HPSE2: variants seen among roughly 807,000 people sequenced by gnomAD.
HPSE2 encodes the protein inactive heparanase-2.
Under a neutral mutation model 60.5 loss-of-function variants are expected in HPSE2, and 38 were observed. That is an observed-to-expected ratio of 0.63 (90% confidence interval 0.48 to 0.82). The LOEUF is 0.82. Ranked by LOEUF, HPSE2 falls within the 40% of genes least tolerant of loss-of-function variation. The probability of loss-of-function intolerance (pLI) is 0.00; values close to 1 mark genes in which losing one functional copy is unlikely to be tolerated. For synonymous variants in HPSE2, 295 were observed against 293.2 expected (o/e 1.01, Z -0.06); for missense variants, 713 against 740.4 (o/e 0.96, Z 0.43).
chr10:98,741,673 G>GT (rs1282836756), intron 4 of HPSE2, among the ~76,000 whole-genome samples: 1 of 152,054 alleles, frequency 6.6e-6, no homozygotes, highest in Non-Finnish European at 1.5e-5. Context: ...TGCTTTGGGC[G>GT]TATCTATTAT....
intron 3 of HPSE2, among the ~76,000 whole-genome samples, chr10:99,092,292 C>T (rs2135600080): frequency 6.6e-6 from 1 of 152,204 alleles, no homozygotes; most frequent in South Asian, 2.1e-4. Context: ...ACACAATAAA[C>T]ATAATGCGTA....
intron 3 of HPSE2, among the ~76,000 whole-genome samples, chr10:99,132,174 A>G (rs1236843092): frequency 4.1e-4 from 3 of 7,374 alleles, no homozygotes; most frequent in African/African-American, 6.1e-4. Flanking sequence ...AGAAAGAAAG[A>G]AAGAAAGAAA....
At chr10:98,502,603 G>A (rs1942063401) in intron 9 of HPSE2, among the ~76,000 whole-genome samples, 1 of 152,110 alleles carries the variant, frequency 6.6e-6, no homozygotes, top group Admixed American at 6.5e-5. Flanking sequence ...AATTCTAGAA[G>A]ACAACATTGG....
At chr10:98,859,864 C>T (rs897042587) in intron 3 of HPSE2, among the ~76,000 whole-genome samples, 1 of 151,968 alleles carries the variant, frequency 6.6e-6, no homozygotes, top group Non-Finnish European at 1.5e-5. Context: ...TTTCAGTTGC[C>T]CTCAGTCAAT....
At chr10:99,134,387 C>T (rs1845562074) in intron 3 of HPSE2, among the ~76,000 whole-genome samples, 1 of 152,132 alleles carries the variant, frequency 6.6e-6, no homozygotes, top group South Asian at 2.1e-4. Context: ...AAAGATGCTC[C>T]TTGAGAAGAG....
chr10:98,569,147 T>G (rs1205893975), intron 9 of HPSE2, among the ~76,000 whole-genome samples: 2 of 151,420 alleles, frequency 1.3e-5, no homozygotes, highest in Non-Finnish European at 2.9e-5. Context: ...CACTGCAATC[T>G]CCACCTCCTG....
chr10:99,235,886 CT>C (rs2133959363), upstream of HPSE2: 68 of 1,209,960 alleles, frequency 5.6e-5, no homozygotes, highest in Non-Finnish European at 7.0e-5. Flanking sequence ...GTCTGTCCGC[CT>C]TTTTCCCCCC....
At chr10:99,140,356 G>A (rs928278474) in intron 3 of HPSE2, among the ~76,000 whole-genome samples, 1 of 152,186 alleles carries the variant, frequency 6.6e-6, no homozygotes, top group African/African-American at 2.4e-5. Flanking sequence ...ATTAGAAAGT[G>A]TCTTGTGTAA....
At chr10:99,306,208 T>C in the HPSE2 span, among the ~76,000 whole-genome samples, 1 of 152,058 alleles carries the variant, frequency 6.6e-6, no homozygotes, top group African/African-American at 2.4e-5. Context: ...TGTTGGAGGA[T>C]TTTCTAAAAG....
In HPSE2 at chr10:98,931,453, C is replaced by G. The variant is rs900931169; in HGVS notation, c.611-187397G>C. On this transcript the variant is annotated intron_variant, in intron 3 of 11. Coordinates refer to ENST00000370552, the MANE Select transcript of HPSE2 (RefSeq NM_021828.5). ...CTTAGGGTTGTCTTGGCTATGCAAG[C>G]TCTTTTTTGGTTCCATATAAATTTT... Among the ~76,000 whole-genome samples the G allele has an allele frequency of 9.7e-5, 14 of 144,082 alleles. 1 individual carries two copies. The highest frequency in any genetic ancestry group is 1.8e-4 in the Non-Finnish European group (12 of 67,204). The allele number at this position is 144,082 out of a possible 152,430, so 94.5% of individuals were successfully genotyped here. A position where few individuals can be genotyped will look rare whatever the true frequency, so the allele number is the denominator to read the frequency against.
chr10:99,314,950 C>T, the HPSE2 span, among the ~76,000 whole-genome samples: 1 of 152,124 alleles, frequency 6.6e-6, no homozygotes, highest in African/African-American at 2.4e-5. Context: ...AGAAAGAAAC[C>T]ACCTAAACTG....
chr10:99,033,655 C>T (rs369893631), intron 3 of HPSE2, among the ~76,000 whole-genome samples: 21 of 151,868 alleles, frequency 1.4e-4, no homozygotes, highest in East Asian at 5.8e-4. Flanking sequence ...TGGTGGTAGG[C>T]GCCCATAGTC....
chr10:99,261,848 C>A, the HPSE2 span, among the ~76,000 whole-genome samples: 1 of 152,210 alleles, frequency 6.6e-6, no homozygotes, highest in South Asian at 2.1e-4. Flanking sequence ...GGACCTCCTC[C>A]CCCAGGATCT....
chr10:99,094,531 TATA>T (rs1843637330), intron 3 of HPSE2, among the ~76,000 whole-genome samples: 1 of 22,116 alleles, frequency 4.5e-5, no homozygotes, highest in African/African-American at 1.0e-4. Context: ...TATATATATA[TATA>T]TATATATTTT....
chr10:98,740,263 C>A (rs1949465353), intron 4 of HPSE2, among the ~76,000 whole-genome samples: 2 of 151,504 alleles, frequency 1.3e-5, no homozygotes, highest in Admixed American at 6.6e-5. Context: ...GCAGCCTCAA[C>A]CTCCCAGGCT....
Position 98,641,716 on chromosome 10 carries a change from T to C in HPSE2, c.1098+131A>G, listed in dbSNP as rs376058292. On this transcript the variant is annotated intron_variant, in intron 7 of 11. Coordinates refer to ENST00000370552, the MANE Select transcript of HPSE2 (RefSeq NM_021828.5). Reference sequence around the variant, plus strand: ...GATGGGGAGCTTGTGACCATGCCCATCTAGACTGCACTATTTTCCTATTTT... The same window carrying C: ...GATGGGGAGCTTGTGACCATGCCCACCTAGACTGCACTATTTTCCTATTTT... 23 of 772,134 alleles carry C rather than the reference T, an allele frequency of 3.0e-5. 1 individual carries two copies. The highest frequency in any genetic ancestry group is 2.9e-4 in the South Asian group (21 of 73,342). 47.8% of individuals were successfully genotyped at this position (772,134 alleles called of 1,614,324 possible).
At chr10:98,776,054 TTCAC>T (rs1161846182) in intron 3 of HPSE2, among the ~76,000 whole-genome samples, 1 of 152,094 alleles carries the variant, frequency 6.6e-6, no homozygotes, top group African/African-American at 2.4e-5. Context: ...CTCTATATCA[TTCAC>T]TCAAATAGTT....
intron 6 of HPSE2, among the ~76,000 whole-genome samples, chr10:98,672,310 A>G (rs1023274616): frequency 6.6e-6 from 1 of 152,222 alleles, no homozygotes; most frequent in Non-Finnish European, 1.5e-5. Flanking sequence ...TAACAATGGT[A>G]TATTCTGTTT....
chr10:98,470,722 A>G lies in HPSE2; in HGVS notation c.1614-10983T>C, dbSNP rs1940743772. ...TAGCTCTACCCTAACTTGCCCATTT[A>G]CAGGTGTTTCGTCTAGGTCATCTGG... On this transcript the variant is annotated intron_variant, in intron 11 of 11. Coordinates refer to ENST00000370552, the MANE Select transcript of HPSE2 (RefSeq NM_021828.5). Among the ~76,000 whole-genome samples the G allele has an allele frequency of 2.0e-5, 3 of 152,226 alleles. No individual in the cohort carries two copies. The South Asian group carries it at 6.2e-4, about 31-fold the overall frequency.
Sources: allele counts gnomAD v4.1 joint callset (sites outside exome capture counted in the v4.1 genomes callset), GRCh38; gene constraint gnomAD v4.1.1; transcripts MANE v1.5; gene names NCBI Gene and HGNC (gene_info 2026-07-23, HGNC 2026-07-21).